FSD1L: variants seen among roughly 807,000 people sequenced by gnomAD.
FSD1L encodes FSD1-like protein.
A neutral mutation model predicts 71.6 loss-of-function variants in FSD1L; 45 were observed. The ratio of observed to expected loss-of-function variants is 0.63; its 90% CI spans 0.49 to 0.81. The LOEUF (loss-of-function observed/expected upper bound fraction) is 0.81. Ranked by LOEUF, FSD1L falls within the 30% of genes least tolerant of loss-of-function variation. The pLI is 0.00. For synonymous variants in FSD1L, 197 were observed against 207.2 expected (o/e 0.95, Z 0.42); for missense variants, 561 against 618.1 (o/e 0.91, Z 0.98).
chr9:105,478,465 G>C (rs1211952775), intron 5 of FSD1L, among the ~76,000 whole-genome samples: 2 of 152,152 alleles, frequency 1.3e-5, no homozygotes, highest in African/African-American at 4.8e-5. Flanking sequence ...AGGCACTGGG[G>C]ATACAGTGTT....
Position 105,546,385 on chromosome 9 carries a change from A to T in FSD1L, c.1495A>T (p.Thr499Ser), listed in dbSNP as rs1181019907. 3.9e-6 allele frequency: 6 copies of T among 1,549,716 alleles called. No homozygotes were observed. The highest frequency in any genetic ancestry group is 5.2e-6 in the Non-Finnish European group (6 of 1,145,996). Residue 499 changes from threonine to serine, a missense_variant, in exon 14 of 14, where the codon ACT becomes TCT. Thr to Ser is a moderately conservative substitution (Grantham distance 58). Transcript: ENST00000481272. ...ATGGTGTGGTGGACTTTCTTTGAGT[A>T]CTGGGATGCAGGTTCCAAGTGCTGT... ...MVWCGGLSLS[T>S]GMQVPSAVRT... is the part of the protein sequence containing the mutation.
intron 10 of FSD1L, among the ~76,000 whole-genome samples, chr9:105,519,782 C>G (rs996367508): frequency 1.3e-5 from 2 of 152,174 alleles, no homozygotes; most frequent in Non-Finnish European, 2.9e-5. Context: ...GCTCCACCTT[C>G]GTGGCTCTGG....
At chr9:105,471,724 T>TATATA (rs1831479126) in intron 4 of FSD1L, among the ~76,000 whole-genome samples, 180 bp from the exon 5 acceptor site, 6 of 143,332 alleles carry the variant, frequency 4.2e-5, no homozygotes, top group Non-Finnish European at 9.2e-5. Flanking sequence ...ATAACACGTT[T>TATATA]TATATATATA....
chr9:105,507,870 T>C (rs952452197), intron 8 of FSD1L, among the ~76,000 whole-genome samples: 3 of 149,614 alleles, frequency 2.0e-5, no homozygotes, highest in Middle Eastern at 3.2e-3. Flanking sequence ...ATTCCTCTTA[T>C]TTTGAGCATA....
chr9:105,539,455 T>C (rs1387313356), intron 13 of FSD1L, 104 bp downstream of exon 13: 2 of 456,916 alleles, frequency 4.4e-6, no homozygotes, highest in Admixed American at 4.3e-5. Flanking sequence ...GAATATTTTG[T>C]TTTTTCTTCA....
At position 105,461,718 on chromosome 9, in the gene FSD1L, A is replaced by G. The variant is rs144904694; in HGVS notation, c.111+103A>G. ...ATACTCATTAAAAAACAGGAACATT[A>G]AAAAGGTAGGCTTTAGCTGGGAGCA... On this transcript the variant is annotated intron_variant, in intron 2 of 13. Transcript: ENST00000481272. 1.3e-3 allele frequency: 880 copies of G among 681,618 alleles called. 4 individuals are homozygous for G. Among genetic ancestry groups the G allele is most frequent in the Non-Finnish European group, 2.0e-3 (778 of 397,934 alleles). 42.2% of individuals were successfully genotyped at this position (681,618 alleles called of 1,614,324 possible).
upstream of FSD1L, among the ~76,000 whole-genome samples, chr9:105,444,374 C>T (rs1156702878): frequency 2.0e-5 from 3 of 152,184 alleles, no homozygotes; most frequent in East Asian, 1.9e-4. Context: ...CTGAAGGCTA[C>T]GTTGCTGGTA....
At position 105,493,415 on chromosome 9, in the gene FSD1L, C is replaced by T. The variant is rs11535535; in HGVS notation, c.586+8913C>T. Among the ~76,000 whole-genome samples the T allele has an allele frequency of 1.5e-3, 226 of 152,136 alleles. 4 individuals carry two copies. In the East Asian group the frequency reaches 0.036, roughly 24 times the overall value. On this transcript the variant is annotated intron_variant, in intron 7 of 13. Coordinates refer to ENST00000481272, the MANE Select transcript of FSD1L (RefSeq NM_001145313.3). The stretch of plus-strand genomic sequence containing the variant: ...GTGTCTCTGCACGTGAGATGGGTTT[C>T]CTGAATACAGCACACTGATGGGTCT...
At position 105,455,279 on chromosome 9, in the gene FSD1L, C is replaced by G. The variant is rs575107289; in HGVS notation, c.16-6241C>G. On this transcript the variant is annotated intron_variant, in intron 1 of 13. Coordinates refer to ENST00000481272, the MANE Select transcript of FSD1L (RefSeq NM_001145313.3). ...GGCAGTTCTCCTGCTCAGCCTGCCACCACTGGACTCTCTCCCTTGTATGTA... is the reference window on the plus strand; with the variant it reads ...GGCAGTTCTCCTGCTCAGCCTGCCAGCACTGGACTCTCTCCCTTGTATGTA... Among the ~76,000 whole-genome samples the G allele has an allele frequency of 3.0e-4, 46 of 152,306 alleles. No individual in the cohort carries two copies. The South Asian group carries it at 9.3e-3, about 31-fold the overall frequency.
At chr9:105,464,465 A>G in intron 3 of FSD1L, 134 bp downstream of exon 3, 1 of 477,872 alleles carries the variant, frequency 2.1e-6, no homozygotes. Context: ...CAGATAAAGT[A>G]AAAATGTTTT....
intron 1 of FSD1L, among the ~76,000 whole-genome samples, chr9:105,451,929 G>C (rs1381695316): frequency 6.6e-6 from 1 of 152,146 alleles, no homozygotes; most frequent in Non-Finnish European, 1.5e-5. Context: ...AGAAAGGGTG[G>C]AGAGGAAGGG....
At position 105,506,560 on chromosome 9, in the gene FSD1L, T is replaced by C. The variant is rs1201819073; in HGVS notation, c.748T>C (p.Cys250Arg). ...ACTTCCACGTGTAAAGGATGAGCGATGCTGGGAGATAATTGATAATATTAA... is the reference window on the plus strand; with the variant it reads ...ACTTCCACGTGTAAAGGATGAGCGACGCTGGGAGATAATTGATAATATTAA... ...DGLPRVKDER[C>R]WEIIDNIKGT... The change falls in exon 8 of 14, where the codon TGC becomes CGC. Residue 250 changes from cysteine to arginine, a missense_variant. Coordinates refer to ENST00000481272, the MANE Select transcript of FSD1L (RefSeq NM_001145313.3). The C allele has an allele frequency of 6.4e-7, 1 of 1,551,190 alleles. No individual in the cohort carries two copies. The highest frequency in any genetic ancestry group is 1.4e-5 in the African/African-American group (1 of 73,014).
chr9:105,540,029 T>C (rs1836507672), intron 13 of FSD1L, among the ~76,000 whole-genome samples: 1 of 152,140 alleles, frequency 6.6e-6, no homozygotes, highest in Admixed American at 6.6e-5. Flanking sequence ...TGCTAGATCA[T>C]ATCGTATATG....
At chr9:105,527,882 A>C (rs1231396782) in intron 10 of FSD1L, among the ~76,000 whole-genome samples, 1 of 152,172 alleles carries the variant, frequency 6.6e-6, no homozygotes, top group Non-Finnish European at 1.5e-5. Context: ...ACATGATTGT[A>C]TATTTAGAAA....
rs906871553 is a variant in FSD1L, at chr9:105,519,662, G to A, written c.1025+6726G>A. Among the ~76,000 whole-genome samples the A allele has an allele frequency of 2.0e-5, 3 of 152,290 alleles. No individual in the cohort carries two copies. In the East Asian group the frequency reaches 5.8e-4, roughly 29 times the overall value. On this transcript the variant is annotated intron_variant, in intron 10 of 13. Transcript: ENST00000481272. The stretch of plus-strand genomic sequence containing the variant: ...GATGGAATGTATCTCAAAATAATAA[G>A]AGCTGTTTATGCAAACCCACAGCCA...
At chr9:105,500,044 C>T (rs996521324) in intron 7 of FSD1L, among the ~76,000 whole-genome samples, 7 of 152,200 alleles carry the variant, frequency 4.6e-5, no homozygotes, top group African/African-American at 1.4e-4. Flanking sequence ...GAATTTCTAG[C>T]GCTCCACTTG....
At chr9:105,493,008 T>C (rs1833067329) in intron 7 of FSD1L, among the ~76,000 whole-genome samples, 1 of 152,196 alleles carries the variant, frequency 6.6e-6, no homozygotes, top group South Asian at 2.1e-4. Flanking sequence ...TGTAGATGTC[T>C]ATTAGGTCCA....
intron 6 of FSD1L, among the ~76,000 whole-genome samples, chr9:105,481,181 T>TGTGTGGGTGGG (rs1564098389): frequency 1.8e-5 from 1 of 56,206 alleles, no homozygotes. Context: ...GTGTGTGTGG[T>TGTGTGGGTGGG]TCTTTTTTTT....
intron 10 of FSD1L, chr9:105,521,639 C>A: frequency 2.5e-6 from 4 of 1,613,248 alleles, no homozygotes; most frequent in Non-Finnish European, 3.4e-6. Flanking sequence ...CTTCAGACCT[C>A]CCTTGCATTG....
Sources: allele counts gnomAD v4.1 joint callset (sites outside exome capture counted in the v4.1 genomes callset), GRCh38; gene constraint gnomAD v4.1.1; transcripts MANE v1.5; gene names NCBI Gene and HGNC (gene_info 2026-07-23, HGNC 2026-07-21).